ASCC1: variants seen among roughly 807,000 people sequenced by gnomAD.
ASCC1 encodes activating signal cointegrator 1 complex subunit 1.
ASCC1 carries 35 observed loss-of-function variants against 46.6 expected under a neutral mutation model. The observed-to-expected ratio is 0.75, with a 90% CI of 0.57 to 0.99. The LOEUF is 0.99. ASCC1 is among the 50% of genes least tolerant of loss of function. ASCC1 has a pLI of 0.00. For missense variants in ASCC1, 376 were observed against 428.7 expected, an observed-to-expected ratio of 0.88 and a Z score of 1.09; for synonymous variants, 143 against 146.6, an observed-to-expected ratio of 0.98 and a Z score of 0.18.
intron 5 of ASCC1, among the ~76,000 whole-genome samples, chr10:72,167,930 C>T (rs1035354968): frequency 7.9e-5 from 12 of 152,166 alleles, no homozygotes; most frequent in African/African-American, 2.9e-4. Flanking sequence ...GTGGCTTACC[C>T]CTGTAATCCC....
chr10:72,181,545 A>C (rs1356200694), intron 5 of ASCC1, among the ~76,000 whole-genome samples: 1 of 152,202 alleles, frequency 6.6e-6, no homozygotes, highest in Non-Finnish European at 1.5e-5. Context: ...AAAAATTTTG[A>C]ACAATAAAGG....
chr10:72,161,184 GAAAA>G (rs77185118), intron 6 of ASCC1, among the ~76,000 whole-genome samples: 1 of 121,284 alleles, frequency 8.2e-6, no homozygotes. Context: ...TGGGCGACAG[GAAAA>G]AAAAAAAAAA....
intron 5 of ASCC1, among the ~76,000 whole-genome samples, chr10:72,191,514 T>C (rs1393998783): frequency 6.6e-6 from 1 of 151,952 alleles, no homozygotes; most frequent in African/African-American, 2.4e-5. Flanking sequence ...TGGACATACA[T>C]ATGTAAAAAA....
At chr10:72,116,491 T>C (rs1024493558) in intron 9 of ASCC1, among the ~76,000 whole-genome samples, 1 of 151,874 alleles carries the variant, frequency 6.6e-6, no homozygotes, top group Non-Finnish European at 1.5e-5. Context: ...TCACCAACCA[T>C]GCCCCATTCT....
At chr10:72,112,847 C>T (rs1205302569) in intron 9 of ASCC1, among the ~76,000 whole-genome samples, 26 of 145,354 alleles carry the variant, frequency 1.8e-4, no homozygotes, top group Admixed American at 1.3e-3. Flanking sequence ...CACTGCACCC[C>T]AGCCTGGGCA....
At chr10:72,166,845 T>C (rs1850407038) in intron 5 of ASCC1, among the ~76,000 whole-genome samples, 2 of 152,116 alleles carry the variant, frequency 1.3e-5, no homozygotes, top group African/African-American at 4.8e-5. Context: ...AGGCTCAACA[T>C]CATTAGTCAT....
At chr10:72,214,749 A>G (rs2133570397) in intron 1 of ASCC1, among the ~76,000 whole-genome samples, 1 of 152,268 alleles carries the variant, frequency 6.6e-6, no homozygotes, top group East Asian at 1.9e-4. Context: ...AGAAAAAAAA[A>G]AGCCCCTAAG....
intron 5 of ASCC1, among the ~76,000 whole-genome samples, chr10:72,168,287 A>T (rs1380648723): frequency 6.6e-6 from 1 of 152,230 alleles, no homozygotes; most frequent in Admixed American, 6.5e-5. Context: ...GACACTTCAC[A>T]TGAATAAAGA....
chr10:72,183,792 A>G (rs563473295), intron 5 of ASCC1, among the ~76,000 whole-genome samples: 3 of 152,226 alleles, frequency 2.0e-5, no homozygotes, highest in African/African-American at 7.2e-5. Context: ...AAGGTGAATT[A>G]AAAAATTTTT....
chr10:72,128,681 T>C (rs781223301), intron 8 of ASCC1, among the ~76,000 whole-genome samples: 25 of 152,220 alleles, frequency 1.6e-4, no homozygotes, highest in Admixed American at 4.6e-4. Context: ...ATCAAAGGTA[T>C]CCTTACAGAT....
chr10:72,105,044 C>T (rs1414350400), intron 9 of ASCC1, among the ~76,000 whole-genome samples: 2 of 152,128 alleles, frequency 1.3e-5, no homozygotes, highest in Admixed American at 1.3e-4. Flanking sequence ...GAGCCATTTC[C>T]ATCACTTAAT....
chr10:72,210,288 TAG>T (rs10597056), intron 3 of ASCC1, among the ~76,000 whole-genome samples: 9,469 of 151,636 alleles, frequency 0.062, 975 homozygotes, highest in African/African-American at 0.21. Flanking sequence ...GCCTCCCAAG[TAG>T]CTGGGATTAC....
At chr10:72,207,403 G>C (rs982513530) in intron 3 of ASCC1, among the ~76,000 whole-genome samples, 5 of 152,184 alleles carry the variant, frequency 3.3e-5, no homozygotes, top group African/African-American at 1.2e-4. Flanking sequence ...AACAGAGTGA[G>C]AATCCGTCTC....
chr10:72,187,314 T>C (rs772154704), intron 5 of ASCC1, among the ~76,000 whole-genome samples: 4 of 152,176 alleles, frequency 2.6e-5, no homozygotes, highest in Non-Finnish European at 5.9e-5. Context: ...TAAAAACTAG[T>C]TTTACAAGGC....
intron 5 of ASCC1, among the ~76,000 whole-genome samples, chr10:72,184,549 C>A (rs1040704191): frequency 6.6e-5 from 10 of 151,760 alleles, no homozygotes; most frequent in Non-Finnish European, 1.3e-4. Flanking sequence ...GAACAAGGAA[C>A]ATTATCAGGA....
intron 5 of ASCC1, among the ~76,000 whole-genome samples, chr10:72,174,875 C>T (rs1457555763): frequency 6.6e-6 from 1 of 152,190 alleles, no homozygotes; most frequent in African/African-American, 2.4e-5. Context: ...GACCTACAAA[C>T]TTTTTACATG....
In ASCC1 at chr10:72,128,152, T is replaced by C; in HGVS notation, c.887A>G (p.Asn296Ser). 1 of 1,613,488 alleles carries C rather than the reference T, an allele frequency of 6.2e-7. No individual in the cohort carries two copies. Among genetic ancestry groups the C allele is most frequent in the East Asian group, 2.2e-5 (1 of 44,844 alleles). Residue 296 changes from asparagine (N) to serine (S), a missense_variant, in exon 9 of 10, where the codon AAT becomes AGT. Coordinates refer to ENST00000672957, the MANE Select transcript of ASCC1 (RefSeq NM_001198800.3). ...RKDPNAEGRY[N>S]LYTAEGKYIF... The stretch of plus-strand genomic sequence containing the variant: ...ATATTTGCCTTCCGCTGTGTAGAGA[T>C]TGTACCTGCCTTCAGCTGTAAATAT...
intron 5 of ASCC1, chr10:72,189,850 A>G (rs1015513983): frequency 2.0e-5 from 10 of 495,226 alleles, no homozygotes; most frequent in African/African-American, 1.6e-4. Context: ...CCATTGTTCT[A>G]TTTTATTCCA....
At chr10:72,175,690 G>A (rs1851778277) in intron 5 of ASCC1, among the ~76,000 whole-genome samples, 2 of 152,160 alleles carry the variant, frequency 1.3e-5, no homozygotes, top group African/African-American at 4.8e-5. Context: ...ACCCATTAAA[G>A]AGGAGTGAAG....
Sources: gnomAD v4.1 joint callset for allele counts (sites outside exome capture counted in the v4.1 genomes callset) on GRCh38, gnomAD v4.1.1 for gene constraint, MANE v1.5 for transcripts, NCBI Gene and HGNC (gene_info 2026-07-23, HGNC 2026-07-21) for gene names.